The following SLC22A17 variants were observed in gnomAD, a reference collection of about 807,000 sequenced individuals.
The protein encoded by SLC22A17 is solute carrier family 22 member 17.
SLC22A17 carries 38 observed loss-of-function variants against 53.6 expected under a neutral mutation model. The observed-to-expected ratio is 0.71, with a 90% CI of 0.55 to 0.93. SLC22A17 has a LOEUF of 0.93. SLC22A17 is among the 40% of genes least tolerant of loss of function. SLC22A17 has a pLI of 0.00. For missense variants in SLC22A17, 704 were observed against 791.0 expected (o/e 0.89, Z 1.32); for synonymous variants, 379 against 353.0 (o/e 1.07, Z -0.82).
chr14:23,348,840 A>T lies in SLC22A17; in HGVS notation c.860-169T>A, dbSNP rs750816143. 2.8e-6 allele frequency: 2 copies of T among 702,180 alleles called. No individual in the cohort carries two copies. The highest frequency in any genetic ancestry group is 4.6e-6 in the Non-Finnish European group (2 of 432,772). 43.5% of individuals were successfully genotyped at this position (702,180 alleles called of 1,614,324 possible). A position where few individuals can be genotyped will look rare whatever the true frequency, so the allele number is the denominator to read the frequency against. The stretch of plus-strand genomic sequence containing the variant: ...CCTCTGGGTGGCAAGGACTGGGGAG[A>T]CTGTTCAGCCCTCTCTCCTCTCCTG... On this transcript the variant is annotated intron_variant, in intron 4 of 9. Coordinates refer to ENST00000397267, the Ensembl canonical transcript of SLC22A17. This position sits in a 1 kb window ranked among gnomAD's most constrained non-coding sequence, Gnocchi z 4.5.
In SLC22A17 at chr14:23,347,020, A is replaced by G; in HGVS notation, c.1661+81T>C. 1 of 1,511,172 alleles carries G rather than the reference A, an allele frequency of 6.6e-7. No homozygotes were observed. The highest frequency in any genetic ancestry group is 2.4e-5 in the East Asian group (1 of 41,704). The allele number at this position is 1,511,172 out of a possible 1,614,324, so 93.6% of individuals were successfully genotyped here. A position where few individuals can be genotyped will look rare whatever the true frequency, so the allele number is the denominator to read the frequency against. On this transcript the variant is annotated intron_variant, in intron 9 of 9. Coordinates refer to ENST00000397267, the Ensembl canonical transcript of SLC22A17. This position sits in a 1 kb window ranked among gnomAD's most constrained non-coding sequence, Gnocchi z 5.1. Reference sequence around the variant, plus strand: ...CCGCAGCCCCCCTCCTCCAGCCCGCAGGCCCTGTCCTCAGGGGTGGGGTGG... The same window carrying G: ...CCGCAGCCCCCCTCCTCCAGCCCGCGGGCCCTGTCCTCAGGGGTGGGGTGG...
In SLC22A17 at chr14:23,347,792, A is replaced by G; in HGVS notation, c.1278-61T>C. 1 of 1,610,784 alleles carries G rather than the reference A, an allele frequency of 6.2e-7. No homozygotes were observed. Among genetic ancestry groups the G allele is most frequent in the Non-Finnish European group, 8.5e-7 (1 of 1,177,926 alleles). On this transcript the variant is annotated intron_variant, in intron 7 of 9. Coordinates refer to ENST00000397267, the Ensembl canonical transcript of SLC22A17. This position sits in a 1 kb window ranked among gnomAD's most constrained non-coding sequence, Gnocchi z 5.1. ...TGAATCCCCTCCCGCAGCCTTCTAC[A>G]GTGCTGATGGTCCTCCGCAGGGGTC...
chr14:23,351,896 C>T, intron 2 of SLC22A17, 41 bp from the exon 3 acceptor site: 3 of 1,611,372 alleles, frequency 1.9e-6, no homozygotes, highest in Non-Finnish European at 2.5e-6. Flanking sequence ...GAGGCCCCGC[C>T]CTCGCCGCTC....
Position 23,348,994 on chromosome 14 carries a change from G to C in SLC22A17, c.859+278C>G. ...ACCCTTGTCCAAGGTCACACAGCTAGGGACAATCCTTGTCCCTGGACTTAC... is the reference window on the plus strand; with the variant it reads ...ACCCTTGTCCAAGGTCACACAGCTACGGACAATCCTTGTCCCTGGACTTAC... On this transcript the variant is annotated intron_variant, in intron 4 of 9. Coordinates refer to ENST00000397267, the Ensembl canonical transcript of SLC22A17. The surrounding 1 kb of genome is among the most constrained non-coding windows in gnomAD (Gnocchi z 4.5). 4 of 595,424 alleles carry C rather than the reference G, an allele frequency of 6.7e-6. No homozygotes were observed. Among genetic ancestry groups the C allele is most frequent in the Non-Finnish European group, 1.2e-5 (4 of 335,010 alleles). 36.9% of individuals were successfully genotyped at this position (595,424 alleles called of 1,614,324 possible).
exon 10 of SLC22A17, chr14:23,346,502 G>A: frequency 9.8e-7 from 1 of 1,020,604 alleles, no homozygotes; most frequent in East Asian, 2.7e-5. Context: ...AGGCAGGGTG[G>A]GGACGGCCCT....
chr14:23,347,057 G>A lies in SLC22A17; in HGVS notation c.1661+44C>T. The A allele has an allele frequency of 6.4e-7, 1 of 1,562,132 alleles. No homozygotes were observed. Among genetic ancestry groups the A allele is most frequent in the Non-Finnish European group, 8.7e-7 (1 of 1,153,608 alleles). On this transcript the variant is annotated intron_variant, in intron 9 of 9. Transcript: ENST00000397267. The surrounding 1 kb of genome is among the most constrained non-coding windows in gnomAD (Gnocchi z 5.1). ...CAGGGGTGGGGTGGGGGAGCGGGAG[G>A]CGAGGGGGCCCGGCTCTGCCCCTGG...
rs1225986915 is a variant in SLC22A17, at chr14:23,348,478, C to T, written c.1025+28G>A. ...GTTTGGAGGCAGAGATGGGAATTGC[C>T]AGACGACAGGTGAAGGGTAATACTG... On this transcript the variant is annotated intron_variant, in intron 5 of 9. Coordinates refer to ENST00000397267, the Ensembl canonical transcript of SLC22A17. The surrounding 1 kb of genome is among the most constrained non-coding windows in gnomAD (Gnocchi z 4.5). 2 of 1,604,390 alleles carry T rather than the reference C, an allele frequency of 1.2e-6. No homozygotes were observed. The highest frequency in any genetic ancestry group is 2.2e-5 in the South Asian group (2 of 89,884).
intron 3 of SLC22A17, 164 bp downstream of exon 3, chr14:23,351,588 A>T: frequency 1.7e-6 from 1 of 605,242 alleles, no homozygotes; most frequent in Non-Finnish European, 2.9e-6. Context: ...GTATTTCTTG[A>T]TGGAGAGTGA....
At position 23,348,627 on chromosome 14, in the gene SLC22A17, C is replaced by A; in HGVS notation, c.904G>T (p.Ala302Ser). 6.2e-7 allele frequency: 1 copy of A among 1,613,700 alleles called. No individual in the cohort carries two copies. Among genetic ancestry groups the A allele is most frequent in the Non-Finnish European group, 8.5e-7 (1 of 1,179,770 alleles). ...CCTCCCACCCCCACCAACTCCCCTG[C>A]CAGGGCCACCCGAAGCCTCTGGGTT... The change falls in exon 5 of 10, where the codon GCA (alanine) becomes TCA (serine). Residue 302 changes from alanine (A) to serine (S), a missense_variant. Coordinates refer to ENST00000397267, the Ensembl canonical transcript of SLC22A17. The surrounding 1 kb of genome is among the most constrained non-coding windows in gnomAD (Gnocchi z 4.5).
In SLC22A17 at chr14:23,347,094, C is replaced by T. The variant is rs766553166; in HGVS notation, c.1661+7G>A. ...GGCTCTGCCCCTGGGGGCACCCCTG[C>T]TCTCACCGGACAGTGGTGGGGATGA... is the stretch of plus-strand genomic sequence containing the variant. On this transcript the variant is annotated splice_region_variant and intron_variant, in intron 9 of 9. Coordinates refer to ENST00000397267, the Ensembl canonical transcript of SLC22A17. This position sits in a 1 kb window ranked among gnomAD's most constrained non-coding sequence, Gnocchi z 5.1. The T allele has an allele frequency of 1.2e-6, 2 of 1,610,220 alleles. No individual in the cohort carries two copies. The highest frequency in any genetic ancestry group is 1.7e-6 in the Non-Finnish European group (2 of 1,178,364).
chr14:23,347,355 TG>T lies in SLC22A17; in HGVS notation c.1549+104del. 6.6e-7 allele frequency: 1 copy of T among 1,504,228 alleles called. No homozygotes were observed. The highest frequency in any genetic ancestry group is 9.0e-7 in the Non-Finnish European group (1 of 1,113,082). 93.2% of individuals were successfully genotyped at this position (1,504,228 alleles called of 1,614,324 possible). A position where few individuals can be genotyped will look rare whatever the true frequency, so the allele number is the denominator to read the frequency against. Reference sequence around the variant, plus strand: ...TTCAGTAATTGACTGGGAGAGCAGATGGGGCTGTGGGGCCAGGTGGAGGCTC... The same window carrying T: ...TTCAGTAATTGACTGGGAGAGCAGATGGGCTGTGGGGCCAGGTGGAGGCTC... On this transcript the variant is annotated intron_variant, in intron 8 of 9. Coordinates refer to ENST00000397267, the Ensembl canonical transcript of SLC22A17. The surrounding 1 kb of genome is among the most constrained non-coding windows in gnomAD (Gnocchi z 5.1).
rs748245722 is a variant in SLC22A17, at chr14:23,349,296, C to T, written c.835G>A (p.Val279Ile). 42 of 1,613,918 alleles carry T rather than the reference C, an allele frequency of 2.6e-5. No homozygotes were observed. In the Admixed American group the frequency reaches 4.3e-4, roughly 17 times the overall value. Residue 279 changes from valine to isoleucine, a missense_variant, in exon 4 of 10, where the codon GTT becomes ATT. By Grantham distance (29) the Val-to-Ile change is conservative. Coordinates refer to ENST00000397267, the Ensembl canonical transcript of SLC22A17. ...CGCATCAGGTAGACACCCAGGTCAA[C>T]ACCGGCAAGCAGAAAGCCCAAGAGG...
exon 10 of SLC22A17, chr14:23,346,744 G>T (rs866014824): frequency 1.9e-5 from 30 of 1,545,324 alleles, no homozygotes; most frequent in Non-Finnish European, 2.3e-5. Context: ...ACAGCTCCCC[G>T]TCCCGGAGCA....
exon 10 of SLC22A17, chr14:23,346,825 C>T (rs368307678): frequency 3.7e-4 from 576 of 1,540,524 alleles, no homozygotes; most frequent in Non-Finnish European, 4.5e-4. Context: ...GGGCGCAGGC[C>T]GCCAGCACCA....
In SLC22A17 at chr14:23,348,249, C is replaced by CT; in HGVS notation, c.1082dup (p.Glu362GlyfsTer11). 1.2e-6 allele frequency: 2 copies of CT among 1,614,136 alleles called. No individual in the cohort carries two copies. The highest frequency in any genetic ancestry group is 4.5e-5 in the East Asian group (2 of 44,876). ...GGATCCTCAGCACAGACTGAGCCTCCTCAATCTGCCGCTTCACTATCAGCC... is the reference window on the plus strand; with the variant it reads ...GGATCCTCAGCACAGACTGAGCCTCCTTCAATCTGCCGCTTCACTATCAGCC... On this transcript the variant is annotated frameshift_variant, in exon 6 of 10. Transcript: ENST00000397267. LOFTEE classifies it high-confidence loss of function. The surrounding 1 kb of genome is among the most constrained non-coding windows in gnomAD (Gnocchi z 4.5).
chr14:23,347,734 G>GT lies in SLC22A17; in HGVS notation c.1278-4dup, dbSNP rs775795587. The GT allele has an allele frequency of 3.7e-6, 6 of 1,613,106 alleles. No individual in the cohort carries two copies. Among genetic ancestry groups the GT allele is most frequent in the East Asian group, 2.2e-5 (1 of 44,852 alleles). On this transcript the variant is annotated splice_region_variant and splice_polypyrimidine_tract_variant and intron_variant, in intron 7 of 9. Transcript: ENST00000397267. This position sits in a 1 kb window ranked among gnomAD's most constrained non-coding sequence, Gnocchi z 5.1. ...GGCGAATGGCATGGGCAATGAAGCT[G>GT]TGAGAAGGGGTGGGGAAGCAACGAA...
rs572867304 is a variant in SLC22A17 at position 23,348,182 on chromosome 14, C to G, written c.1150G>C (p.Glu384Gln). 6.2e-7 allele frequency: 1 copy of G among 1,614,108 alleles called. No homozygotes were observed. Among genetic ancestry groups the G allele is most frequent in the East Asian group, 2.2e-5 (1 of 44,876 alleles). Reference sequence around the variant, plus strand: ...TTACCCTGCAGGGCCTCCTGGGCCTCCTCCCCCAGCATCTGCCCATGGGGC... The same window carrying G: ...TTACCCTGCAGGGCCTCCTGGGCCTGCTCCCCCAGCATCTGCCCATGGGGC... The change falls in exon 6 of 10, where the codon GAG becomes CAG. Residue 384 changes from glutamate to glutamine, a missense_variant. By Grantham distance (29) the Glu-to-Gln change is conservative. This residue lies in a region of SLC22A17 where 435 missense variants were observed against 529.0 expected (regional missense o/e 0.82). Coordinates refer to ENST00000397267, the Ensembl canonical transcript of SLC22A17. The surrounding 1 kb of genome is among the most constrained non-coding windows in gnomAD (Gnocchi z 4.5).
At chr14:23,351,889 G>A (rs751644969) in intron 2 of SLC22A17, 34 bp from the exon 3 acceptor site, 1 of 1,611,546 alleles carries the variant, frequency 6.2e-7, no homozygotes, top group South Asian at 1.1e-5. Context: ...CGGGCGTGAG[G>A]CCCCGCCCTC....
intron 4 of SLC22A17, 94 bp downstream of exon 4, chr14:23,349,178 G>A: frequency 6.6e-7 from 1 of 1,519,572 alleles, no homozygotes; most frequent in Non-Finnish European, 9.1e-7. Flanking sequence ...CTAGGCAGCT[G>A]AAATGTGGCC....
Sources: allele counts gnomAD v4.1 joint callset, GRCh38; gene constraint gnomAD v4.1.1; regional missense constraint gnomAD v4.1.1; non-coding constraint Gnocchi (gnomAD v3.1); transcripts MANE v1.5; gene names NCBI Gene and HGNC (gene_info 2026-07-23, HGNC 2026-07-21).